The following MYO1H variants were observed in gnomAD, a reference collection of about 807,000 sequenced individuals.
The protein encoded by MYO1H is unconventional myosin-Ih.
MYO1H carries 118 observed loss-of-function variants against 149.3 expected under a neutral mutation model. The observed-to-expected ratio is 0.79, with a 90% confidence interval of 0.68 to 0.92. MYO1H has a LOEUF of 0.92. Among genes scored for constraint, MYO1H ranks in the 40% least tolerant of loss-of-function variants. MYO1H has a pLI of 0.00. For synonymous variants in MYO1H, 447 were observed against 465.2 expected (o/e 0.96, Z 0.50); for missense variants, 1,212 against 1,280.7 (o/e 0.95, Z 0.82).
Position 109,415,635 on chromosome 12 carries a change from G to A in MYO1H, c.1597+15G>A, listed in dbSNP as rs1193330888. On this transcript the variant is annotated intron_variant, in intron 15 of 31. Transcript: ENST00000310903. ...CTGCACCAAGGGTGAGTGGCCGTGGGGTACAGGTGACAGCCATGTATGTGC... is the reference window on the plus strand; with the variant it reads ...CTGCACCAAGGGTGAGTGGCCGTGGAGTACAGGTGACAGCCATGTATGTGC... 1.3e-6 allele frequency: 2 copies of A among 1,569,018 alleles called. No homozygotes were observed. The highest frequency in any genetic ancestry group is 1.7e-6 in the Non-Finnish European group (2 of 1,155,746).
chr12:109,433,032 A>C (rs1398024745), intron 20 of MYO1H, 22 bp downstream of exon 20: 1 of 1,565,602 alleles, frequency 6.4e-7, no homozygotes, highest in Non-Finnish European at 8.8e-7. Flanking sequence ...GAAGACCACC[A>C]AATGGTCTCT....
At chr12:109,353,379 G>A (rs151105280) in intron 1 of MYO1H, among the ~76,000 whole-genome samples, 17,562 of 101,088 alleles carry the variant, frequency 0.17, 1,377 homozygotes, top group Middle Eastern at 0.3. Context: ...GGGTGACAGA[G>A]CGAGACTCCG....
At chr12:109,341,899 G>A in the MYO1H span, among the ~76,000 whole-genome samples, 3 of 152,142 alleles carry the variant, frequency 2.0e-5, no homozygotes, top group Admixed American at 6.5e-5. Context: ...AAACAGGCTG[G>A]CTTTCTGGGT....
chr12:109,416,379 G>GTTTTTTT (rs397968119), intron 15 of MYO1H, among the ~76,000 whole-genome samples: 6 of 143,130 alleles, frequency 4.2e-5, no homozygotes, highest in African/African-American at 1.6e-4. Flanking sequence ...GTTGTTGTTG[G>GTTTTTTT]TTTTTTTTTT....
intron 13 of MYO1H, among the ~76,000 whole-genome samples, chr12:109,411,215 C>T (rs1193429687): frequency 1.3e-5 from 2 of 152,180 alleles, no homozygotes; most frequent in Non-Finnish European, 2.9e-5. Context: ...GCAGTCCTCC[C>T]ACATCAGCCT....
At chr12:109,440,941 C>A in intron 25 of MYO1H, 114 bp downstream of exon 25, 1 of 762,564 alleles carries the variant, frequency 1.3e-6, no homozygotes, top group Non-Finnish European at 2.2e-6. Context: ...ATGCTAGTCC[C>A]ATGCTTTGAA....
At chr12:109,369,115 G>A (rs530193054) in intron 1 of MYO1H, among the ~76,000 whole-genome samples, 7 of 151,974 alleles carry the variant, frequency 4.6e-5, no homozygotes, top group Non-Finnish European at 1.0e-4. Flanking sequence ...AGCCTCCCGA[G>A]TAGCTGGGAT....
chr12:109,428,972 G>A (rs1871498737), intron 19 of MYO1H, among the ~76,000 whole-genome samples: 2 of 152,186 alleles, frequency 1.3e-5, no homozygotes, highest in African/African-American at 4.8e-5. Flanking sequence ...ACTTGGGGAG[G>A]CCAAGGTGGG....
rs186645735 is a variant in MYO1H at position 109,403,103 on chromosome 12, G to C, written c.751-879G>C. On this transcript the variant is annotated intron_variant, in intron 6 of 31. Transcript: ENST00000310903. ...TTTCAAACCAACAGGTTTTGGAGAG[G>C]GACTGATTTGCATAAACCCATCCCT... is the stretch of plus-strand genomic sequence containing the variant. Among the ~76,000 whole-genome samples, 3 of 152,264 alleles carry C rather than the reference G, an allele frequency of 2.0e-5. No individual in the cohort carries two copies. In the East Asian group the frequency reaches 5.8e-4, roughly 29 times the overall value.
At chr12:109,428,154 C>T (rs550493053) in intron 19 of MYO1H, among the ~76,000 whole-genome samples, 2 of 151,362 alleles carry the variant, frequency 1.3e-5, no homozygotes, top group East Asian at 2.0e-4. Flanking sequence ...GTTCATTTCA[C>T]TAATCCCTGA....
intron 3 of MYO1H, 97 bp downstream of exon 3, chr12:109,393,543 C>A (rs1376197050): frequency 9.5e-6 from 5 of 527,316 alleles, no homozygotes; most frequent in Non-Finnish European, 1.7e-5. Flanking sequence ...ATCCATTCAT[C>A]CATCCATCCA....
intron 5 of MYO1H, 118 bp from the exon 6 acceptor site, chr12:109,400,971 AAAAG>A (rs1282648689): frequency 4.5e-6 from 4 of 891,878 alleles, no homozygotes; most frequent in Admixed American, 3.1e-5. Context: ...ATGTCCAAAA[AAAAG>A]AAAGAAGATT....
rs1020528755 is a variant in MYO1H at position 109,388,702 on chromosome 12, A to G, written c.32A>G (p.Lys11Arg). The G allele has an allele frequency of 1.9e-6, 3 of 1,586,210 alleles. No individual in the cohort carries two copies. The African/African-American group carries it at 4.1e-5, about 22-fold the overall frequency. ...CCGTAGAAAGAAGACGTGAGGAGGA[A>G]ACACATCCGTCTGCACATGGAAGGG... is the stretch of plus-strand genomic sequence containing the variant. The change falls in exon 2 of 32, where the codon AAA becomes AGA. Residue 11 changes from lysine (K) to arginine (R), a missense_variant. Lys to Arg is a conservative substitution (Grantham distance 26, BLOSUM62 2). Transcript: ENST00000310903.
At chr12:109,334,120 G>A in the MYO1H span, among the ~76,000 whole-genome samples, 3 of 152,050 alleles carry the variant, frequency 2.0e-5, no homozygotes, top group South Asian at 2.1e-4. Context: ...GGGTTCAAGC[G>A]ATTCTCCTAC....
chr12:109,409,653 T>C lies in MYO1H; in HGVS notation c.1223+29T>C, dbSNP rs1361114235. On this transcript the variant is annotated intron_variant, in intron 11 of 31. Transcript: ENST00000310903. ...TGTTTTGTCATTACCTACCTATCTGTCTTTTGCCCTTTTTTAAGATTTCAG... is the reference window on the plus strand; with the variant it reads ...TGTTTTGTCATTACCTACCTATCTGCCTTTTGCCCTTTTTTAAGATTTCAG... The C allele has an allele frequency of 1.9e-6, 3 of 1,551,602 alleles. No individual in the cohort carries two copies. In the African/African-American group the frequency reaches 4.1e-5, roughly 21 times the overall value.
chr12:109,389,298 T>A (rs1869531618), intron 2 of MYO1H, among the ~76,000 whole-genome samples: 1 of 152,162 alleles, frequency 6.6e-6, no homozygotes, highest in South Asian at 2.1e-4. Flanking sequence ...AAGTTGACAT[T>A]GATCAGCTCT....
At chr12:109,337,216 C>T in the MYO1H span, among the ~76,000 whole-genome samples, 1 of 151,934 alleles carries the variant, frequency 6.6e-6, no homozygotes, top group Non-Finnish European at 1.5e-5. Flanking sequence ...AGGTTTTTTT[C>T]CCCTTTCTAC....
chr12:109,353,099 A>G (rs1224692688), intron 1 of MYO1H, among the ~76,000 whole-genome samples: 1 of 152,152 alleles, frequency 6.6e-6, no homozygotes, highest in Non-Finnish European at 1.5e-5. Context: ...ATACTCATAA[A>G]CAATATTATT....
chr12:109,444,525 G>T lies in MYO1H; in HGVS notation c.2989G>T (p.Gly997Ter). ...GGAGAACATTGTCAATGTTGTTCAA[G>T]GAAGGTAGGTGGCTTCATCTTCAGC... Residue 997 changes from glycine (G) to a stop codon, truncating the protein, a stop_gained, in exon 30 of 32, where the codon GGA becomes TGA. Transcript: ENST00000310903. LOFTEE classifies it high-confidence loss of function. 1 of 1,613,088 alleles carries T rather than the reference G, an allele frequency of 6.2e-7. No homozygotes were observed. The highest frequency in any genetic ancestry group is 1.7e-5 in the Admixed American group (1 of 60,004).
Sources: allele counts gnomAD v4.1 joint callset (sites outside exome capture counted in the v4.1 genomes callset), GRCh38; gene constraint gnomAD v4.1.1; transcripts MANE v1.5; gene names NCBI Gene and HGNC (gene_info 2026-07-23, HGNC 2026-07-21).